The following ST3GAL1 variants were observed in gnomAD, a reference collection of about 807,000 sequenced individuals.
ST3GAL1 encodes ST3 beta-galactoside alpha-2,3-sialyltransferase 1.
Under a neutral mutation model 34.1 loss-of-function variants are expected in ST3GAL1, and 16 were observed. That is an observed-to-expected ratio of 0.47 (90% CI 0.32 to 0.71). ST3GAL1 has a LOEUF of 0.71. Among genes scored for constraint, ST3GAL1 ranks in the 30% least tolerant of loss-of-function variants. The pLI, the probability that ST3GAL1 is intolerant of heterozygous loss-of-function variation, is 0.04. For synonymous variants in ST3GAL1, 191 were observed against 184.7 expected (o/e 1.03, Z -0.28); for missense variants, 353 against 447.4 (o/e 0.79, Z 1.90).
chr8:133,565,822 G>A (rs755730715), intron 1 of ST3GAL1, among the ~76,000 whole-genome samples: 25 of 151,966 alleles, frequency 1.6e-4, no homozygotes, highest in South Asian at 2.1e-4. Context: ...TCCCCGGCCC[G>A]GAGCAGATGG....
chr8:133,525,004 G>A (rs927459488), intron 2 of ST3GAL1, among the ~76,000 whole-genome samples: 1 of 152,230 alleles, frequency 6.6e-6, no homozygotes, highest in Non-Finnish European at 1.5e-5. Flanking sequence ...TGAATGGAGG[G>A]AGGAGGGTGT....
intron 2 of ST3GAL1, among the ~76,000 whole-genome samples, chr8:133,544,493 C>T (rs1209152956): frequency 6.6e-6 from 1 of 152,220 alleles, no homozygotes; most frequent in Non-Finnish European, 1.5e-5. Context: ...TGTCTCCATT[C>T]TTCCTCATTC....
rs6986303 is a variant in ST3GAL1 at position 133,466,286 on chromosome 8, G to A, written c.307-196C>T. Reference sequence around the variant, plus strand: ...TTCAAGGAGACTAAGGGTTACTCAGGAAGTAAAGAGAGCATTCATGTATTC... The same window carrying A: ...TTCAAGGAGACTAAGGGTTACTCAGAAAGTAAAGAGAGCATTCATGTATTC... On this transcript the variant is annotated intron_variant, in intron 5 of 9. Transcript: ENST00000522652. This position sits in a 1 kb window ranked among gnomAD's most constrained non-coding sequence, Gnocchi z 4.4. 0.34 allele frequency among the ~76,000 whole-genome samples: 51,434 copies of A among 152,016 alleles called. 9,210 individuals carry two copies. The highest frequency in any genetic ancestry group is 0.64 in the East Asian group (3,307 of 5,138).
chr8:133,517,622 T>C (rs541328427), intron 2 of ST3GAL1, among the ~76,000 whole-genome samples: 249 of 152,354 alleles, frequency 1.6e-3, no homozygotes, highest in Non-Finnish European at 3.0e-3. Flanking sequence ...AGTGCTGGGA[T>C]TACAGGCATG....
At chr8:133,519,504 A>G (rs1408159964) in intron 2 of ST3GAL1, among the ~76,000 whole-genome samples, 1 of 152,246 alleles carries the variant, frequency 6.6e-6, no homozygotes, top group Non-Finnish European at 1.5e-5. Flanking sequence ...TGGCTCACAA[A>G]GAATTTAAAA....
intron 2 of ST3GAL1, among the ~76,000 whole-genome samples, chr8:133,545,063 T>C (rs756055625): frequency 3.9e-5 from 6 of 152,220 alleles, no homozygotes; most frequent in Non-Finnish European, 8.8e-5. Flanking sequence ...ATAAGCAACA[T>C]GTGGCTACTA....
intron 7 of ST3GAL1, among the ~76,000 whole-genome samples, chr8:133,463,734 C>T (rs1357583417): frequency 5.9e-5 from 9 of 152,200 alleles, no homozygotes; most frequent in Admixed American, 3.9e-4. Flanking sequence ...TTGCTCCAAG[C>T]ACAGCCTTAA....
chr8:133,515,153 A>T (rs1344773709), intron 2 of ST3GAL1, among the ~76,000 whole-genome samples: 1 of 152,188 alleles, frequency 6.6e-6, no homozygotes, highest in African/African-American at 2.4e-5. Context: ...CCTGCCTCCG[A>T]GGACGAGGTC....
Position 133,466,847 on chromosome 8 carries a change from C to T in ST3GAL1, c.307-757G>A, listed in dbSNP as rs1815751982. Among the ~76,000 whole-genome samples the T allele has an allele frequency of 6.6e-6, 1 of 152,142 alleles. No homozygotes were observed. Among genetic ancestry groups the T allele is most frequent in the Admixed American group, 6.5e-5 (1 of 15,280 alleles). On this transcript the variant is annotated intron_variant, in intron 5 of 9. Transcript: ENST00000522652. The surrounding 1 kb of genome is among the most constrained non-coding windows in gnomAD (Gnocchi z 4.4). ...GGTGCGGTGGCTCACACCTGTAATC[C>T]CAGCACTTTGGGAGACCGAGGCAGG...
At chr8:133,561,391 G>A (rs1036106057) in intron 1 of ST3GAL1, among the ~76,000 whole-genome samples, 3 of 152,004 alleles carry the variant, frequency 2.0e-5, no homozygotes, top group Non-Finnish European at 4.4e-5. Flanking sequence ...ACATACCTGG[G>A]TCTCACCATC....
chr8:133,493,375 G>A (rs754484638), intron 3 of ST3GAL1, among the ~76,000 whole-genome samples: 1 of 152,220 alleles, frequency 6.6e-6, no homozygotes, highest in Non-Finnish European at 1.5e-5. Flanking sequence ...GGCAGAATGT[G>A]CCCAGCACTG....
intron 1 of ST3GAL1, among the ~76,000 whole-genome samples, chr8:133,557,524 C>T (rs984703077): frequency 2.0e-5 from 3 of 152,158 alleles, no homozygotes; most frequent in Admixed American, 1.3e-4. Context: ...AGCTGTCGCA[C>T]CAGCCAGGCC....
chr8:133,475,579 A>G, intron 5 of ST3GAL1, 140 bp downstream of exon 5: 1 of 1,015,592 alleles, frequency 9.8e-7, no homozygotes, highest in Non-Finnish European at 1.4e-6. Flanking sequence ...TCTCATTACC[A>G]GACCCCTACC....
chr8:133,485,708 C>T (rs979463376), intron 3 of ST3GAL1, among the ~76,000 whole-genome samples: 3 of 152,132 alleles, frequency 2.0e-5, no homozygotes, highest in Admixed American at 1.3e-4. Flanking sequence ...GTGGCTACCC[C>T]GGAGTAGGTG....
chr8:133,538,665 C>T (rs1224883234), intron 2 of ST3GAL1, among the ~76,000 whole-genome samples: 1 of 152,180 alleles, frequency 6.6e-6, no homozygotes, highest in Non-Finnish European at 1.5e-5. Context: ...AATTAGACAT[C>T]CCACCTTCAC....
chr8:133,551,557 A>AGAGAAG (rs1491480263), intron 1 of ST3GAL1, among the ~76,000 whole-genome samples: 1 of 123,100 alleles, frequency 8.1e-6, no homozygotes, highest in African/African-American at 3.1e-5. Context: ...AAAGAAAGAA[A>AGAGAAG]GAAAGAAAGA....
At chr8:133,510,307 A>G (rs1322787034) in intron 2 of ST3GAL1, among the ~76,000 whole-genome samples, 1 of 152,214 alleles carries the variant, frequency 6.6e-6, no homozygotes, top group Non-Finnish European at 1.5e-5. Flanking sequence ...GCAGGCAACT[A>G]TCAGATACGA....
At chr8:133,501,184 G>A (rs563644087) in intron 2 of ST3GAL1, among the ~76,000 whole-genome samples, 1 of 152,184 alleles carries the variant, frequency 6.6e-6, no homozygotes, top group Non-Finnish European at 1.5e-5. Flanking sequence ...GTTTTTCAGT[G>A]TTGCCATGGA....
intron 2 of ST3GAL1, among the ~76,000 whole-genome samples, chr8:133,541,104 T>TATAAAC (rs1818507668): frequency 2.0e-5 from 1 of 50,434 alleles, no homozygotes; most frequent in East Asian, 4.5e-4. Context: ...AACATATATA[T>TATAAAC]ATATATATAT....
Sources: allele counts gnomAD v4.1 joint callset (sites outside exome capture counted in the v4.1 genomes callset), GRCh38; gene constraint gnomAD v4.1.1; non-coding constraint Gnocchi (gnomAD v3.1); transcripts MANE v1.5; gene names NCBI Gene and HGNC (gene_info 2026-07-23, HGNC 2026-07-21).